The following HECTD4 variants were observed in gnomAD, a reference collection of about 807,000 sequenced individuals.
HECTD4 encodes the protein probable E3 ubiquitin-protein ligase HECTD4.
HECTD4 carries 114 observed loss-of-function variants against 471.5 expected under a neutral mutation model. The observed-to-expected ratio is 0.24, with a 90% CI of 0.21 to 0.28. The LOEUF (loss-of-function observed/expected upper bound fraction) is 0.28. Among genes scored for constraint, HECTD4 ranks in the 10% least tolerant of loss-of-function variants. HECTD4 has a pLI of 1.00. For missense variants in HECTD4, 3,866 were observed against 5,651.5 expected, an observed-to-expected ratio of 0.68 and a Z score of 10.13; for synonymous variants, 2,012 against 2,256.0, an observed-to-expected ratio of 0.89 and a Z score of 3.07.
In HECTD4 at chr12:112,169,580, C is replaced by G; in HGVS notation, c.12131G>C (p.Cys4044Ser). 1 of 1,613,676 alleles carries G rather than the reference C, an allele frequency of 6.2e-7. No individual in the cohort carries two copies. Among genetic ancestry groups the G allele is most frequent in the Non-Finnish European group, 8.5e-7 (1 of 1,179,886 alleles). Reference sequence around the variant, plus strand: ...GTCACCGCCACTGGCCAGCTTGACGCAGAGCTGAGACGACGGCACTGAGGC... The same window carrying G: ...GTCACCGCCACTGGCCAGCTTGACGGAGAGCTGAGACGACGGCACTGAGGC... ...QLASVPSSQL[C>S]VKLASGGDPT... The change falls in exon 70 of 76, where the codon TGC becomes TCC. Residue 4044 changes from cysteine (C) to serine (S), a missense_variant. Physicochemically the swap from Cys to Ser is moderately radical, Grantham distance 112 (BLOSUM62 -1). Coordinates refer to ENST00000682272, the MANE Select transcript of HECTD4 (RefSeq NM_001388303.1).
intron 17 of HECTD4, 74 bp from the exon 18 acceptor site, chr12:112,261,503 A>T: frequency 6.0e-6 from 8 of 1,325,732 alleles, no homozygotes; most frequent in Non-Finnish European, 8.4e-6. Flanking sequence ...ACATGAAATG[A>T]TGTATTTAAT....
At position 112,172,855 on chromosome 12, in the gene HECTD4, T is replaced by C. The variant is rs774864933; in HGVS notation, c.11601A>G (p.Ala3867=). The C allele has an allele frequency of 4.0e-5, 64 of 1,613,860 alleles. No homozygotes were observed. Among genetic ancestry groups the C allele is most frequent in the Non-Finnish European group, 5.1e-5 (60 of 1,179,834 alleles). ...TCTGTGCATGTCGGACATCGATGCA[T>C]GCGCACCTTGGGGTGGGGACAGGGG... The part of the protein sequence containing the change: ...CGYDLHFERC[A]CIDVRHAQKA... Residue 3867 remains alanine, a synonymous_variant, in exon 67 of 76, where the codon GCA becomes GCG. Transcript: ENST00000682272.
At chr12:112,172,606 GCC>G (rs2031270788) in intron 67 of HECTD4, 63 bp downstream of exon 67, 5 of 1,488,956 alleles carry the variant, frequency 3.4e-6, no homozygotes, top group African/African-American at 1.4e-5. Context: ...CCTTGTAAAT[GCC>G]CCTTGTCATG....
chr12:112,228,748 T>C lies in HECTD4; in HGVS notation c.6583A>G (p.Ile2195Val). The change falls in exon 42 of 76, where the codon ATA becomes GTA. Residue 2195 changes from isoleucine (I) to valine (V), a missense_variant. Ile to Val is a conservative substitution (Grantham distance 29). Around this residue, in one of 16 missense-constraint regions of HECTD4, gnomAD observed 617 missense variants for 915.1 expected, o/e 0.67. Transcript: ENST00000682272. This position sits in a 1 kb window ranked among gnomAD's most constrained non-coding sequence, Gnocchi z 4.9. ...ATGGGTGGGAATCTGACTGTAGCTA[T>C]ACCTTCCTGTTCATTGATAGAAGCC... ...VVASINEQEG[I>V]ATVRFPPIDC... is the part of the protein sequence containing the mutation. The C allele has an allele frequency of 1.2e-6, 2 of 1,613,714 alleles. No homozygotes were observed. The highest frequency in any genetic ancestry group is 1.3e-5 in the African/African-American group (1 of 75,044).
chr12:112,229,122 T>C (rs1036247611), intron 41 of HECTD4, among the ~76,000 whole-genome samples: 1 of 151,846 alleles, frequency 6.6e-6, no homozygotes, highest in Non-Finnish European at 1.5e-5. Context: ...AGGTCAGGAG[T>C]TCGAGACCAG....
At chr12:112,181,986 G>A (rs1246045730) in intron 62 of HECTD4, among the ~76,000 whole-genome samples, 1 of 152,134 alleles carries the variant, frequency 6.6e-6, no homozygotes. Flanking sequence ...CAGCTACTGG[G>A]GAGGCTGAGG....
At chr12:112,296,335 G>C (rs1448486254) in intron 7 of HECTD4, among the ~76,000 whole-genome samples, 1 of 151,480 alleles carries the variant, frequency 6.6e-6, no homozygotes, top group Non-Finnish European at 1.5e-5. Context: ...AGGTGCAGTG[G>C]ATGTGGGTGC....
chr12:112,265,045 G>A (rs1401906433), intron 16 of HECTD4, 130 bp downstream of exon 16: 8 of 803,530 alleles, frequency 1.0e-5, no homozygotes, highest in East Asian at 3.1e-5. Context: ...GATTACAGGC[G>A]TGAGCCACTG....
At chr12:112,373,048 T>C (rs2036713865) in intron 1 of HECTD4, among the ~76,000 whole-genome samples, 1 of 152,116 alleles carries the variant, frequency 6.6e-6, no homozygotes, top group South Asian at 2.1e-4. Flanking sequence ...TCTGGCCACC[T>C]CCATCTTTTT....
Position 112,333,455 on chromosome 12 carries a change from T to A in HECTD4, c.178-13713A>T, listed in dbSNP as rs563440473. Among the ~76,000 whole-genome samples the A allele has an allele frequency of 2.0e-5, 3 of 152,372 alleles. No homozygotes were observed. The South Asian group carries it at 6.2e-4, about 32-fold the overall frequency. The stretch of plus-strand genomic sequence containing the variant: ...TGCATTTCTCTAATGGGTAATGACG[T>A]TGAGCATCACATCTTTTAATGGGCT... On this transcript the variant is annotated intron_variant, in intron 1 of 75. Coordinates refer to ENST00000682272, the MANE Select transcript of HECTD4 (RefSeq NM_001388303.1).
Position 112,185,003 on chromosome 12 carries a change from CT to C in HECTD4, c.9962del (p.Lys3321ArgfsTer57), listed in dbSNP as rs1486751456. ...ACTGGCGCTTGCCCGACGAGGAGGC[CT>C]TTTCCCGCTTCATCTTGACTTTTTT... ...KRKKVKMKRE[K>X]ASSSGKRQSS... On this transcript the variant is annotated frameshift_variant, in exon 61 of 76. Transcript: ENST00000682272. LOFTEE classifies it high-confidence loss of function. The C allele has an allele frequency of 1.2e-6, 2 of 1,609,150 alleles. No homozygotes were observed. Among genetic ancestry groups the C allele is most frequent in the East Asian group, 2.2e-5 (1 of 44,690 alleles).
chr12:112,221,052 A>G (rs928879221), intron 44 of HECTD4, among the ~76,000 whole-genome samples: 1 of 152,004 alleles, frequency 6.6e-6, no homozygotes, highest in Non-Finnish European at 1.5e-5. Flanking sequence ...CCCAGGCTCA[A>G]GTGATCCTCC....
chr12:112,350,101 C>T (rs531420095), intron 1 of HECTD4, among the ~76,000 whole-genome samples: 5 of 152,032 alleles, frequency 3.3e-5, no homozygotes, highest in East Asian at 1.9e-4. Flanking sequence ...CCCACAGGCG[C>T]GCACCACCAT....
intron 64 of HECTD4, 111 bp from the exon 65 acceptor site, chr12:112,176,813 T>C (rs1340676992): frequency 9.2e-6 from 8 of 867,348 alleles, no homozygotes; most frequent in African/African-American, 1.7e-5. Context: ...ACTTAGGGCT[T>C]AGGGCTCAGA....
In HECTD4 at chr12:112,184,400, C is replaced by G. The variant is rs930701505; in HGVS notation, c.10566G>C (p.Pro3522=). ...LPAGLELPIP[P]GLLEPHAVSS... is the part of the protein sequence containing the mutation. ...ACACCGCGTGGGGCTCCAACAGGCC[C>G]GGAGGGATGGGCAGCTCGAGGCCGG... The change falls in exon 61 of 76, where the codon CCG becomes CCC. Residue 3522 remains proline (P), a synonymous_variant. Coordinates refer to ENST00000682272, the MANE Select transcript of HECTD4 (RefSeq NM_001388303.1). This position sits in a 1 kb window ranked among gnomAD's most constrained non-coding sequence, Gnocchi z 9.1. 5 of 1,608,030 alleles carry G rather than the reference C, an allele frequency of 3.1e-6. No homozygotes were observed. In the Admixed American group the frequency reaches 5.1e-5, roughly 16 times the overall value.
chr12:112,217,074 C>T lies in HECTD4; in HGVS notation c.7196G>A (p.Arg2399Gln), dbSNP rs925812819. The change falls in exon 46 of 76, where the codon CGG becomes CAG. Residue 2399 changes from arginine to glutamine, a missense_variant. Arg to Gln is a conservative substitution (Grantham distance 43, BLOSUM62 1). Around this residue, in one of 16 missense-constraint regions of HECTD4, gnomAD observed 617 missense variants for 915.1 expected, o/e 0.67. Coordinates refer to ENST00000682272, the MANE Select transcript of HECTD4 (RefSeq NM_001388303.1). ...TGAAGTGGCATAGATAAAAGTGCCCCGGGGCAGGCCTCCCCCAGCGCTGGG... is the reference window on the plus strand; with the variant it reads ...TGAAGTGGCATAGATAAAAGTGCCCTGGGGCAGGCCTCCCCCAGCGCTGGG... ...ADPSAGGGLP[R>Q]GTFIYATSPL... is the part of the protein sequence containing the mutation. The T allele has an allele frequency of 1.1e-5, 17 of 1,583,742 alleles. No individual in the cohort carries two copies. Among genetic ancestry groups the T allele is most frequent in the Non-Finnish European group, 1.5e-5 (17 of 1,164,510 alleles).
At chr12:112,165,453 A>G (rs1014212432) in intron 72 of HECTD4, among the ~76,000 whole-genome samples, 2 of 146,694 alleles carry the variant, frequency 1.4e-5, no homozygotes, top group Non-Finnish European at 3.0e-5. Context: ...TCGAGTTCAC[A>G]CCATTCTCCT....
intron 52 of HECTD4, among the ~76,000 whole-genome samples, chr12:112,204,975 A>C (rs920380740): frequency 2.0e-5 from 3 of 151,940 alleles, no homozygotes; most frequent in South Asian, 4.2e-4. Context: ...TCTACTAAAA[A>C]TACAAAAATT....
In HECTD4 at chr12:112,171,212, T is replaced by G; in HGVS notation, c.11837A>C (p.Asn3946Thr). 6.2e-7 allele frequency: 1 copy of G among 1,612,756 alleles called. No individual in the cohort carries two copies. The highest frequency in any genetic ancestry group is 8.5e-7 in the Non-Finnish European group (1 of 1,179,504). ...RLRFALLQSL[N>T]TTLETFFLPL... ...CAGGAAGAAGGTCTCCAGTGTGGTG[T>G]TGAGGGACTGCAGCAAGGCGAAGCG... is the stretch of plus-strand genomic sequence containing the variant. Residue 3946 changes from asparagine (N) to threonine (T), a missense_variant, in exon 68 of 76, where the codon AAC becomes ACC. This residue lies in a region of HECTD4 where 715 missense variants were observed against 1,087.6 expected (regional missense o/e 0.66). Coordinates refer to ENST00000682272, the MANE Select transcript of HECTD4 (RefSeq NM_001388303.1).
Sources: gnomAD v4.1 joint callset for allele counts (sites outside exome capture counted in the v4.1 genomes callset) on GRCh38, gnomAD v4.1.1 for gene constraint, gnomAD v4.1.1 regional missense constraint, Gnocchi (gnomAD v3.1) non-coding constraint, MANE v1.5 for transcripts, NCBI Gene and HGNC (gene_info 2026-07-23, HGNC 2026-07-21) for gene names.